NKAIN3: variants seen among roughly 807,000 people sequenced by gnomAD.
The protein encoded by NKAIN3 is sodium/potassium-transporting ATPase subunit beta-1-interacting protein 3.
NKAIN3 carries 25 observed loss-of-function variants against 30.2 expected under a neutral mutation model. The observed-to-expected ratio is 0.83, with a 90% CI of 0.60 to 1.16. The LOEUF (loss-of-function observed/expected upper bound fraction) is 1.16. Ranked by LOEUF, NKAIN3 falls within the 50% of genes most tolerant of loss-of-function variation. The pLI is 0.00. For missense variants in NKAIN3, 225 were observed against 254.1 expected, an observed-to-expected ratio of 0.89 and a Z score of 0.78; for synonymous variants, 91 against 89.6, an observed-to-expected ratio of 1.02 and a Z score of -0.09.
chr8:62,562,346 A>C (rs1326766209), intron 1 of NKAIN3, among the ~76,000 whole-genome samples: 2 of 152,178 alleles, frequency 1.3e-5, no homozygotes, highest in Non-Finnish European at 1.5e-5. Flanking sequence ...ACCCACATAA[A>C]GTTGACGAAG....
intron 3 of NKAIN3, among the ~76,000 whole-genome samples, chr8:62,723,315 C>A (rs6995644): frequency 0.69 from 104,252 of 151,770 alleles, 39,448 homozygotes; most frequent in Non-Finnish European, 0.87. Flanking sequence ...AACACACACA[C>A]AAAAAATTGT....
intron 3 of NKAIN3, among the ~76,000 whole-genome samples, chr8:62,719,756 T>TC (rs1479963081): frequency 2.3e-5 from 3 of 130,296 alleles, no homozygotes; most frequent in Admixed American, 7.4e-5. Flanking sequence ...TTTCTTTCTT[T>TC]TTTTTTTTTT....
chr8:62,827,050 G>A (rs1819049580), intron 4 of NKAIN3, among the ~76,000 whole-genome samples: 1 of 152,164 alleles, frequency 6.6e-6, no homozygotes, highest in African/African-American at 2.4e-5. Flanking sequence ...GTAAATAATA[G>A]ATAAATAAGT....
At chr8:62,985,880 GA>G (rs1470531149), downstream of NKAIN3, among the ~76,000 whole-genome samples, 1 of 152,146 alleles carries the variant, frequency 6.6e-6, no homozygotes, top group African/African-American at 2.4e-5. Context: ...ACATACTCCA[GA>G]TTCTACTCTT....
At chr8:62,809,102 GGCTCCGTTCC>G (rs1319306448) in intron 4 of NKAIN3, among the ~76,000 whole-genome samples, 1 of 152,132 alleles carries the variant, frequency 6.6e-6, no homozygotes, top group Non-Finnish European at 1.5e-5. Flanking sequence ...AGAGACATAT[GGCTCCGTTCC>G]GCCCAGCTCT....
intron 3 of NKAIN3, 83 bp from the exon 4 acceptor site, chr8:62,746,849 C>T: frequency 1.0e-6 from 1 of 954,410 alleles, no homozygotes; most frequent in Non-Finnish European, 1.6e-6. Flanking sequence ...TTTCATCTAC[C>T]CTGAATTCTT....
chr8:62,655,197 T>C (rs1015124154), intron 3 of NKAIN3, among the ~76,000 whole-genome samples: 1 of 152,066 alleles, frequency 6.6e-6, no homozygotes, highest in African/African-American at 2.4e-5. Context: ...CTGAAGGAGG[T>C]CCAGAGGTTC....
chr8:62,948,796 T>A (rs188385767), intron 5 of NKAIN3, among the ~76,000 whole-genome samples: 1 of 152,310 alleles, frequency 6.6e-6, no homozygotes, highest in East Asian at 1.9e-4. Flanking sequence ...CTTGCTTCAA[T>A]TTGCCCAGTT....
intron 3 of NKAIN3, among the ~76,000 whole-genome samples, chr8:62,671,214 T>G (rs1209013554): frequency 1.3e-5 from 2 of 152,160 alleles, no homozygotes; most frequent in East Asian, 3.9e-4. Flanking sequence ...CCTACTTCCC[T>G]TGATGATTTG....
chr8:62,490,927 G>C (rs150441252), intron 1 of NKAIN3, among the ~76,000 whole-genome samples: 2 of 152,278 alleles, frequency 1.3e-5, no homozygotes, highest in African/African-American at 4.8e-5. Flanking sequence ...TATAGTGCCA[G>C]CACCAAACAA....
At chr8:62,997,957 G>T (rs937622992) in intron 5 of NKAIN3, among the ~76,000 whole-genome samples, 1 of 152,148 alleles carries the variant, frequency 6.6e-6, no homozygotes, top group African/African-American at 2.4e-5. Flanking sequence ...GGGTTGACAT[G>T]AGGTTTGAGT....
At chr8:62,669,368 C>T (rs1389829181) in intron 3 of NKAIN3, among the ~76,000 whole-genome samples, 1 of 152,156 alleles carries the variant, frequency 6.6e-6, no homozygotes, top group Non-Finnish European at 1.5e-5. Context: ...CTAACTTTGC[C>T]TCAGCTTCCA....
chr8:62,369,193 G>T (rs1013853232), intron 1 of NKAIN3, among the ~76,000 whole-genome samples: 1 of 151,696 alleles, frequency 6.6e-6, no homozygotes, highest in African/African-American at 2.4e-5. Context: ...CCTTGTATCC[G>T]TCTTAAGACT....
At chr8:62,748,643 G>A (rs1816166254) in intron 4 of NKAIN3, among the ~76,000 whole-genome samples, 1 of 152,086 alleles carries the variant, frequency 6.6e-6, no homozygotes, top group African/African-American at 2.4e-5. Context: ...ATGTTTCAGA[G>A]CACATTTGAA....
At chr8:62,990,053 C>T in intron 5 of NKAIN3, 1 of 577,870 alleles carries the variant, frequency 1.7e-6, no homozygotes, top group Middle Eastern at 4.6e-4. Context: ...TGATTTCAGG[C>T]ACTTATATTG....
intron 1 of NKAIN3, among the ~76,000 whole-genome samples, chr8:62,396,168 G>GCA (rs1419007356): frequency 6.6e-6 from 1 of 152,018 alleles, no homozygotes; most frequent in East Asian, 1.9e-4. Context: ...ACACACACAT[G>GCA]CACACACACA....
At chr8:62,728,525 TG>T (rs34881671) in intron 3 of NKAIN3, among the ~76,000 whole-genome samples, 121,079 of 151,618 alleles carry the variant, frequency 0.8, 48,945 homozygotes, top group Non-Finnish European at 0.87. Flanking sequence ...TAGCTGGGCA[TG>T]GGTGGCGCAA....
intron 3 of NKAIN3, among the ~76,000 whole-genome samples, chr8:62,597,982 C>T (rs1401938921): frequency 6.6e-6 from 1 of 152,018 alleles, no homozygotes; most frequent in African/African-American, 2.4e-5. Context: ...GAATCAATCA[C>T]AGAGGATGTG....
intron 1 of NKAIN3, among the ~76,000 whole-genome samples, chr8:62,467,664 C>T (rs1481854827): frequency 6.6e-6 from 1 of 152,084 alleles, no homozygotes; most frequent in East Asian, 1.9e-4. Context: ...ATGTCCTTTT[C>T]TCTCAGTGAA....
Sources: allele counts gnomAD v4.1 joint callset (sites outside exome capture counted in the v4.1 genomes callset), GRCh38; gene constraint gnomAD v4.1.1; transcripts MANE v1.5; gene names NCBI Gene and HGNC (gene_info 2026-07-23, HGNC 2026-07-21).